The following TRPM3 variants were observed in gnomAD, a reference collection of about 807,000 sequenced individuals.
TRPM3 encodes the protein long transient receptor potential channel 3.
A neutral mutation model predicts 181.2 loss-of-function variants in TRPM3; 77 were observed. That is an observed-to-expected ratio of 0.42 (90% CI 0.35 to 0.51). TRPM3 has a LOEUF of 0.51. TRPM3 is among the 20% of genes least tolerant of loss of function. The pLI is 0.01. For synonymous variants in TRPM3, 745 were observed against 796.4 expected (o/e 0.94, Z 1.09); for missense variants, 1,759 against 2,196.7 (o/e 0.80, Z 3.98).
At chr9:71,271,279 C>CATT (rs890582905) in intron 1 of TRPM3, among the ~76,000 whole-genome samples, 12 of 151,900 alleles carry the variant, frequency 7.9e-5, no homozygotes, top group African/African-American at 1.7e-4. Flanking sequence ...GTTAATTTAT[C>CATT]ATTATTATTA....
chr9:71,160,728 C>A (rs1295562789), intron 1 of TRPM3, among the ~76,000 whole-genome samples: 1 of 152,138 alleles, frequency 6.6e-6, no homozygotes, highest in Non-Finnish European at 1.5e-5. Flanking sequence ...TACCATTTAA[C>A]AAAGTTCTTT....
In TRPM3 at chr9:70,535,961, G is replaced by A. The variant is rs1564185136; in HGVS notation, c.5152C>T (p.His1718Tyr). The A allele has an allele frequency of 6.3e-7, 1 of 1,594,316 alleles. No individual in the cohort carries two copies. Among genetic ancestry groups the A allele is most frequent in the East Asian group, 2.2e-5 (1 of 44,704 alleles). The change falls in exon 26 of 26, where the codon CAC becomes TAC. Residue 1718 changes from histidine (H) to tyrosine (Y), a missense_variant. Transcript: ENST00000677713. ...GCGGATATTAAGAAGGTTTAGTTGT[G>A]CTTGCTTTCAAAGCTTTGGAAAGCC... ...TSAFQSFESKHN is the reference protein window; with the variant it reads ...TSAFQSFESKYN
In TRPM3 at chr9:71,151,107, C is replaced by T. The variant is rs577458006; in HGVS notation, c.184-286596G>A. On this transcript the variant is annotated intron_variant, in intron 1 of 24. Transcript: ENST00000357533. ...AAATGAATAGGAGTGTGTGTGTGCGCGTGCATGCGCACTATGAGAATCCAT... is the reference window on the plus strand; with the variant it reads ...AAATGAATAGGAGTGTGTGTGTGCGTGTGCATGCGCACTATGAGAATCCAT... Among the ~76,000 whole-genome samples, 129 of 152,212 alleles carry T rather than the reference C, an allele frequency of 8.5e-4. 1 individual carries two copies. Among genetic ancestry groups the T allele is most frequent in the African/African-American group, 2.4e-3 (98 of 41,550 alleles).
intron 1 of TRPM3, among the ~76,000 whole-genome samples, chr9:71,113,442 G>A (rs17056295): frequency 0.065 from 9,873 of 152,158 alleles, 411 homozygotes; most frequent in Admixed American, 0.14. Flanking sequence ...GAGGGAGCTT[G>A]CTTGATTCAG....
chr9:71,002,831 A>G (rs1590492918), intron 1 of TRPM3, among the ~76,000 whole-genome samples: 1 of 152,284 alleles, frequency 6.6e-6, no homozygotes, highest in East Asian at 1.9e-4. Flanking sequence ...CTTAAGAATA[A>G]GAATATTCTC....
chr9:70,787,763 C>CTTTTTTTTTTTTTTTTTTTTTTTTTTTA, intron 6 of TRPM3, among the ~76,000 whole-genome samples: 4 of 68,558 alleles, frequency 5.8e-5, no homozygotes, highest in East Asian at 6.0e-4. Context: ...TTTTTGGATT[C>CTTTTTTTTTTTTTTTTTTTTTTTTTTTA]TTTTTTTTTT....
chr9:71,072,962 A>G (rs1206738882), intron 1 of TRPM3, among the ~76,000 whole-genome samples: 1 of 152,206 alleles, frequency 6.6e-6, no homozygotes, highest in East Asian at 1.9e-4. Context: ...GAAGGGCTGA[A>G]GAAGCTCGAG....
In TRPM3 at chr9:70,841,591, A is replaced by G. The variant is rs558559804; in HGVS notation, c.801+1412T>C. Among the ~76,000 whole-genome samples, 255 of 141,288 alleles carry G rather than the reference A, an allele frequency of 1.8e-3. 1 individual carries two copies. Among genetic ancestry groups the G allele is most frequent in the South Asian group, 7.8e-3 (34 of 4,368 alleles). 92.7% of individuals were successfully genotyped at this position (141,288 alleles called of 152,430 possible). ...TATGGAATCAAACTAAGTGTCCATC[A>G]ATGGAGGATTGGATATATATATCTA... On this transcript the variant is annotated intron_variant, in intron 5 of 25. Coordinates refer to ENST00000677713, the MANE Select transcript of TRPM3 (RefSeq NM_001366145.2).
At chr9:71,361,674 G>T (rs759724281) in intron 1 of TRPM3, among the ~76,000 whole-genome samples, 1 of 152,172 alleles carries the variant, frequency 6.6e-6, no homozygotes, top group Non-Finnish European at 1.5e-5. Flanking sequence ...CCATGGCACT[G>T]TCACAGTAAT....
rs573662551 is a variant in TRPM3 at position 70,536,021 on chromosome 9, C to T, written c.5092G>A (p.Asp1698Asn). 1.1e-4 allele frequency: 170 copies of T among 1,614,020 alleles called. 2 individuals are homozygous for T. The South Asian group carries it at 1.8e-3, about 17-fold the overall frequency. Residue 1698 changes from aspartate (D) to asparagine (N), a missense_variant, in exon 26 of 26, where the codon GAC becomes AAC. Asp to Asn is a conservative substitution (Grantham distance 23). Transcript: ENST00000677713. ...SKSSKPEGRG[D>N]SLSMRRLSRT... Reference sequence around the variant, plus strand: ...GACAGTCTCCTCATGGACAGGCTGTCCCCTCGGCCCTCCGGCTTGGAGGAC... The same window carrying T: ...GACAGTCTCCTCATGGACAGGCTGTTCCCTCGGCCCTCCGGCTTGGAGGAC...
At chr9:70,956,697 C>A (rs1433018639) in intron 1 of TRPM3, among the ~76,000 whole-genome samples, 1 of 151,876 alleles carries the variant, frequency 6.6e-6, no homozygotes, top group African/African-American at 2.4e-5. Flanking sequence ...GCAGCCTGGG[C>A]AACATAGCAA....
At chr9:70,653,026 C>T (rs1459403049) in intron 9 of TRPM3, among the ~76,000 whole-genome samples, 1 of 151,996 alleles carries the variant, frequency 6.6e-6, no homozygotes, top group Non-Finnish European at 1.5e-5. Flanking sequence ...CTTGAATGTG[C>T]TTACAGCAGA....
chr9:70,942,653 T>G (rs1300975861), intron 1 of TRPM3, among the ~76,000 whole-genome samples: 2 of 152,180 alleles, frequency 1.3e-5, no homozygotes, highest in Non-Finnish European at 2.9e-5. Context: ...CTAGCATGGC[T>G]CTTCAAGTTC....
chr9:71,218,565 G>T (rs1161540140), intron 1 of TRPM3, among the ~76,000 whole-genome samples: 1 of 152,060 alleles, frequency 6.6e-6, no homozygotes. Context: ...TTCCATTATA[G>T]ACATTGCATC....
chr9:71,235,140 G>T (rs995582264), intron 1 of TRPM3, among the ~76,000 whole-genome samples: 1 of 152,180 alleles, frequency 6.6e-6, no homozygotes, highest in East Asian at 1.9e-4. Context: ...TTGGCGCCCT[G>T]CAGGGCCTTT....
At chr9:70,544,694 A>G (rs1177400276) in intron 25 of TRPM3, among the ~76,000 whole-genome samples, 2 of 152,060 alleles carry the variant, frequency 1.3e-5, no homozygotes, top group African/African-American at 4.8e-5. Context: ...TTAATATACT[A>G]GATGAAAAAA....
chr9:71,147,194 G>C (rs2075457481), intron 1 of TRPM3, among the ~76,000 whole-genome samples: 1 of 152,114 alleles, frequency 6.6e-6, no homozygotes, highest in Non-Finnish European at 1.5e-5. Flanking sequence ...TGAAAAAATA[G>C]AGTATTTTCA....
chr9:71,077,230 C>T (rs1249450513), intron 1 of TRPM3, among the ~76,000 whole-genome samples: 5 of 152,242 alleles, frequency 3.3e-5, no homozygotes, highest in South Asian at 4.1e-4. Context: ...CAGGAATCTA[C>T]GTTTCGAAGT....
chr9:70,938,674 TGG>T (rs1163428267), intron 1 of TRPM3, among the ~76,000 whole-genome samples: 1 of 152,068 alleles, frequency 6.6e-6, no homozygotes, highest in Non-Finnish European at 1.5e-5. Context: ...TCATTTCTTT[TGG>T]GCGCGGTGGC....
Sources: allele counts gnomAD v4.1 joint callset (sites outside exome capture counted in the v4.1 genomes callset), GRCh38; gene constraint gnomAD v4.1.1; transcripts MANE v1.5; gene names NCBI Gene and HGNC (gene_info 2026-07-23, HGNC 2026-07-21).